Variants in MACROD1 observed in about 807,000 individuals in gnomAD.
MACROD1 encodes ADP-ribose glycohydrolase MACROD1.
In MACROD1, 31 loss-of-function variants were observed where a neutral mutation model predicts 41.4. The observed-to-expected ratio is 0.75, with a 90% CI of 0.56 to 1.01. MACROD1 has a LOEUF of 1.01. MACROD1 is among the 50% of genes least tolerant of loss of function. The pLI is 0.00. For synonymous variants in MACROD1, 252 were observed against 203.4 expected (o/e 1.24, Z -2.03); for missense variants, 473 against 460.0 (o/e 1.03, Z -0.26).
intron 3 of MACROD1, among the ~76,000 whole-genome samples, chr11:64,130,453 G>T (rs1213412226): frequency 6.6e-6 from 1 of 152,170 alleles, no homozygotes; most frequent in Non-Finnish European, 1.5e-5. Flanking sequence ...TTCCCAGGAG[G>T]GGTCTCTGGC....
Position 64,122,147 on chromosome 11 carries a change from C to A in MACROD1, c.517+29092G>T, listed in dbSNP as rs769137509. Among the ~76,000 whole-genome samples the A allele has an allele frequency of 5.3e-5, 8 of 152,222 alleles. No individual in the cohort carries two copies. Among genetic ancestry groups the A allele is most frequent in the Admixed American group, 1.3e-4 (2 of 15,288 alleles). On this transcript the variant is annotated intron_variant, in intron 3 of 10. Transcript: ENST00000255681. This position sits in a 1 kb window ranked among gnomAD's most constrained non-coding sequence, Gnocchi z 4.0. ...AAATAAAATCTATTAATTAGTCATA[C>A]TCAATTCCACAGACATGATGTGCAT...
Position 64,021,939 on chromosome 11 carries a change from G to C in MACROD1, c.518-6658C>G, listed in dbSNP as rs1313647408. Among the ~76,000 whole-genome samples the C allele has an allele frequency of 1.3e-3, 69 of 54,908 alleles. 6 individuals carry two copies. Among genetic ancestry groups the C allele is most frequent in the Non-Finnish European group, 2.1e-3 (50 of 24,240 alleles). The allele number at this position is 54,908 out of a possible 152,430, so 36.0% of individuals were successfully genotyped here. On this transcript the variant is annotated intron_variant, in intron 3 of 10. Coordinates refer to ENST00000255681, the MANE Select transcript of MACROD1 (RefSeq NM_014067.4). ...CAAGGGAGTGGCAGGGGGCCGGGGG[G>C]GGGGGGGGGGGGTGTGAGGTGGCGG...
intron 3 of MACROD1, among the ~76,000 whole-genome samples, chr11:64,129,008 G>T (rs1041057362): frequency 1.3e-5 from 2 of 152,242 alleles, no homozygotes; most frequent in Non-Finnish European, 2.9e-5. Flanking sequence ...CCTTCCCCAG[G>T]AAGTCCTGCT....
chr11:64,153,772 C>T (rs183551448), intron 1 of MACROD1, among the ~76,000 whole-genome samples: 4 of 152,278 alleles, frequency 2.6e-5, no homozygotes, highest in Non-Finnish European at 4.4e-5. Context: ...CCACTTCTGC[C>T]CCCTCTTCCA....
chr11:64,154,753 C>T (rs1299936544), intron 1 of MACROD1, among the ~76,000 whole-genome samples: 2 of 152,166 alleles, frequency 1.3e-5, no homozygotes, highest in African/African-American at 2.4e-5. Context: ...CGGAGTCTCA[C>T]TCTGTCGCCC....
intron 3 of MACROD1, among the ~76,000 whole-genome samples, chr11:64,110,207 T>A (rs1380817808): frequency 6.6e-6 from 1 of 152,014 alleles, no homozygotes; most frequent in Non-Finnish European, 1.5e-5. Context: ...CTCAGCACTT[T>A]GGGATGCTGA....
chr11:64,152,393 G>C lies in MACROD1; in HGVS notation c.299C>G (p.Ser100Cys), dbSNP rs763844553. ...CTTGTCACTCAGGCCCTTCAGAAAG[G>C]CTGCAGAGGCAGGAAGGAGGATCAG... is the stretch of plus-strand genomic sequence containing the variant. ...STSTDWKEAK[S>C]FLKGLSDKQR... The change falls in exon 2 of 11, where the codon TCC becomes TGC. Residue 100 changes from serine to cysteine, a missense_variant and splice_region_variant. Physicochemically the swap from Ser to Cys is moderately radical, Grantham distance 112 (BLOSUM62 -1). Coordinates refer to ENST00000255681, the MANE Select transcript of MACROD1 (RefSeq NM_014067.4). 2 of 1,613,396 alleles carry C rather than the reference G, an allele frequency of 1.2e-6. No individual in the cohort carries two copies. Among genetic ancestry groups the C allele is most frequent in the Non-Finnish European group, 8.5e-7 (1 of 1,179,262 alleles).
intron 3 of MACROD1, among the ~76,000 whole-genome samples, chr11:64,127,458 G>A (rs1435719431): frequency 1.5e-5 from 2 of 135,310 alleles, no homozygotes; most frequent in East Asian, 2.4e-4. Flanking sequence ...ACCCCTCCCC[G>A]GGCCTTGCCC....
chr11:64,052,749 T>C (rs1265708916), intron 3 of MACROD1, among the ~76,000 whole-genome samples: 1 of 151,826 alleles, frequency 6.6e-6, no homozygotes, highest in South Asian at 2.1e-4. Context: ...AGGGGTGGAG[T>C]TGTGATGTAA....
intron 7 of MACROD1, 42 bp from the exon 8 acceptor site, chr11:63,999,446 C>T (rs1342361969): frequency 1.3e-6 from 2 of 1,559,108 alleles, no homozygotes; most frequent in Non-Finnish European, 1.7e-6. Flanking sequence ...GCTCTGGCCC[C>T]GCCCACTCCC....
At chr11:64,102,179 A>G (rs1253610501) in intron 3 of MACROD1, among the ~76,000 whole-genome samples, 1 of 152,190 alleles carries the variant, frequency 6.6e-6, no homozygotes, top group Non-Finnish European at 1.5e-5. Flanking sequence ...TGTGTAATAA[A>G]AGCCCTTTTC....
chr11:64,032,979 G>A (rs569437753), intron 3 of MACROD1, among the ~76,000 whole-genome samples: 6 of 151,060 alleles, frequency 4.0e-5, no homozygotes, highest in Admixed American at 2.0e-4. Context: ...GAATTCCTGA[G>A]CCTCAAAGCC....
In MACROD1 at chr11:63,999,393, CACAGGGGTAGCCTGAGG is replaced by C; in HGVS notation, c.818-6_828del. The C allele has an allele frequency of 3.1e-6, 5 of 1,591,868 alleles. No homozygotes were observed. The highest frequency in any genetic ancestry group is 4.3e-6 in the Non-Finnish European group (5 of 1,172,938). On this transcript the variant is annotated splice_acceptor_variant and splice_polypyrimidine_tract_variant and coding_sequence_variant and intron_variant, in exon 8 of 11. Transcript: ENST00000255681. LOFTEE classifies it high-confidence loss of function. ...GCCAGCACGATCTCGGCGGCCGCCT[CACAGGGGTAGCCTGAGG>C]CGGGTGGGGCGGGAGTGAGTCCTAG...
At chr11:64,160,472 C>T (rs1466070889) in intron 1 of MACROD1, among the ~76,000 whole-genome samples, 1 of 152,154 alleles carries the variant, frequency 6.6e-6, no homozygotes, top group African/African-American at 2.4e-5. Flanking sequence ...CTAGGTACAG[C>T]CCTGAAATGA....
intron 3 of MACROD1, among the ~76,000 whole-genome samples, chr11:64,039,223 C>A (rs1441728580): frequency 6.6e-6 from 1 of 151,472 alleles, no homozygotes; most frequent in African/African-American, 2.4e-5. Flanking sequence ...GGTGAGCGAG[C>A]GTGGGTGGAC....
rs1052232348 is a variant in MACROD1 at position 64,146,569 on chromosome 11, G to A, written c.517+4670C>T. Among the ~76,000 whole-genome samples the A allele has an allele frequency of 6.6e-6, 1 of 152,092 alleles. No individual in the cohort carries two copies. The highest frequency in any genetic ancestry group is 1.5e-5 in the Non-Finnish European group (1 of 68,016). On this transcript the variant is annotated intron_variant, in intron 3 of 10. Transcript: ENST00000255681. The surrounding 1 kb of genome is among the most constrained non-coding windows in gnomAD (Gnocchi z 4.7). ...AGGGAGGCCTGCACTGTGCCTGAGGGTGTGGGGGTTTGTTCCGTCCCTGCA... is the reference window on the plus strand; with the variant it reads ...AGGGAGGCCTGCACTGTGCCTGAGGATGTGGGGGTTTGTTCCGTCCCTGCA...
intron 5 of MACROD1, 91 bp from the exon 6 acceptor site, chr11:63,999,854 G>A: frequency 1.4e-6 from 2 of 1,386,608 alleles, no homozygotes; most frequent in Non-Finnish European, 1.9e-6. Context: ...AAGGGGGCAG[G>A]AAACACCTTT....
chr11:64,035,816 G>A (rs1380273864), intron 3 of MACROD1, among the ~76,000 whole-genome samples: 1 of 122,598 alleles, frequency 8.2e-6, no homozygotes, highest in Non-Finnish European at 1.8e-5. Flanking sequence ...CGCACAGCCT[G>A]GTTCCCCGCG....
intron 3 of MACROD1, among the ~76,000 whole-genome samples, chr11:64,065,262 G>A (rs1048398912): frequency 2.2e-4 from 34 of 152,160 alleles, no homozygotes; most frequent in Non-Finnish European, 4.0e-4. Flanking sequence ...GCAGTGAGGC[G>A]GTGGGTGGGC....
Sources: gnomAD v4.1 joint callset for allele counts (sites outside exome capture counted in the v4.1 genomes callset) on GRCh38, gnomAD v4.1.1 for gene constraint, Gnocchi (gnomAD v3.1) non-coding constraint, MANE v1.5 for transcripts, NCBI Gene and HGNC (gene_info 2026-07-23, HGNC 2026-07-21) for gene names.